RORA: variants seen among roughly 807,000 people sequenced by gnomAD.
RORA encodes nuclear receptor ROR-alpha.
In RORA, 7 loss-of-function variants were observed where a neutral mutation model predicts 69.5. The observed-to-expected ratio is 0.10, with a 90% CI of 0.06 to 0.19. The LOEUF is 0.19. Ranked by LOEUF, RORA falls within the 10% of genes least tolerant of loss-of-function variation. The pLI, the probability that RORA is intolerant of heterozygous loss-of-function variation, is 1.00. For synonymous variants in RORA, 261 were observed against 240.8 expected (o/e 1.08, Z -0.78); for missense variants, 457 against 663.0 (o/e 0.69, Z 3.41).
At chr15:60,627,914 C>T (rs533938840) in intron 2 of RORA, among the ~76,000 whole-genome samples, 4 of 152,128 alleles carry the variant, frequency 2.6e-5, no homozygotes, top group Admixed American at 6.5e-5. Context: ...TGTGTGTCTC[C>T]TCTCCTGGAG....
At chr15:61,044,374 CG>C (rs1347452943) in intron 1 of RORA, among the ~76,000 whole-genome samples, 2 of 152,116 alleles carry the variant, frequency 1.3e-5, no homozygotes, top group African/African-American at 4.8e-5. Flanking sequence ...TCTGCCGAGT[CG>C]CCCTGTGATG....
rs1188807914 is a variant in RORA, at chr15:61,006,412, A to G, written c.166+222641T>C. ...TATGATTATCTTCTGACTCGTTGGA[A>G]CTCAGAAGGTGTCAAGAAGAGGGAG... On this transcript the variant is annotated intron_variant, in intron 1 of 10. Transcript: ENST00000335670. Among the ~76,000 whole-genome samples the G allele has an allele frequency of 2.0e-5, 3 of 152,070 alleles. No individual in the cohort carries two copies. The East Asian group carries it at 5.8e-4, about 29-fold the overall frequency.
chr15:60,909,929 C>T lies in RORA; in HGVS notation c.167-231243G>A, dbSNP rs143130802. ...CTTAAAAGCAGCTAACCCTTTACCA[C>T]GGAGGTGATGCAGAAATCTACTCAT... On this transcript the variant is annotated intron_variant, in intron 1 of 10. Coordinates refer to ENST00000335670, the MANE Select transcript of RORA (RefSeq NM_134261.3). Among the ~76,000 whole-genome samples, 25 of 152,312 alleles carry T rather than the reference C, an allele frequency of 1.6e-4. 1 individual carries two copies. Among genetic ancestry groups the T allele is most frequent in the East Asian group, 1.3e-3 (7 of 5,188 alleles).
chr15:61,078,125 T>TA (rs2078480186), intron 1 of RORA, among the ~76,000 whole-genome samples: 1 of 152,216 alleles, frequency 6.6e-6, no homozygotes, highest in South Asian at 2.1e-4. Flanking sequence ...TATTAATACT[T>TA]ACTATGTGCC....
chr15:60,886,538 G>C (rs1233721556), intron 1 of RORA, among the ~76,000 whole-genome samples: 3 of 152,184 alleles, frequency 2.0e-5, no homozygotes, highest in African/African-American at 7.2e-5. Context: ...TCCTTATAGA[G>C]TCAGCCTGCC....
At chr15:60,897,333 C>G (rs1041093074) in intron 1 of RORA, among the ~76,000 whole-genome samples, 1 of 152,202 alleles carries the variant, frequency 6.6e-6, no homozygotes, top group African/African-American at 2.4e-5. Flanking sequence ...ATATAGAGAT[C>G]TTTGCCTGTG....
At chr15:60,508,989 G>T (rs1170728430) in intron 5 of RORA, among the ~76,000 whole-genome samples, 2 of 152,214 alleles carry the variant, frequency 1.3e-5, no homozygotes, top group Non-Finnish European at 2.9e-5. Flanking sequence ...TTGAAAGAGA[G>T]AATTGGACTT....
chr15:60,906,327 C>T (rs1363094224), intron 1 of RORA, among the ~76,000 whole-genome samples: 1 of 152,204 alleles, frequency 6.6e-6, no homozygotes, highest in Non-Finnish European at 1.5e-5. Context: ...AAATTAACTA[C>T]CAGGGGCTGA....
At chr15:60,903,501 A>C (rs1451952240) in intron 1 of RORA, among the ~76,000 whole-genome samples, 1 of 152,204 alleles carries the variant, frequency 6.6e-6, no homozygotes, top group Admixed American at 6.5e-5. Flanking sequence ...TCCAGTTTGC[A>C]TCAGGCCTCC....
intron 1 of RORA, among the ~76,000 whole-genome samples, chr15:61,116,803 A>C (rs148785211): frequency 6.6e-6 from 1 of 152,180 alleles, no homozygotes; most frequent in African/African-American, 2.4e-5. Context: ...CACATTTGTA[A>C]ATAGAAAAAA....
At chr15:60,577,933 T>C (rs1402346022) in intron 2 of RORA, among the ~76,000 whole-genome samples, 1 of 152,218 alleles carries the variant, frequency 6.6e-6, no homozygotes, top group East Asian at 1.9e-4. Context: ...ATTCAATCTG[T>C]TGTGTTATGC....
At chr15:60,703,289 C>A (rs905072582) in intron 1 of RORA, among the ~76,000 whole-genome samples, 2 of 152,206 alleles carry the variant, frequency 1.3e-5, no homozygotes, top group African/African-American at 4.8e-5. Context: ...TTACCCTCAA[C>A]GCCCATGGAA....
At chr15:61,019,706 T>C (rs1264853926) in intron 1 of RORA, among the ~76,000 whole-genome samples, 2 of 152,162 alleles carry the variant, frequency 1.3e-5, no homozygotes, top group African/African-American at 4.8e-5. Context: ...TCTGTACTTA[T>C]CCATGGGTAC....
At chr15:60,867,570 C>T (rs1011928335) in intron 1 of RORA, among the ~76,000 whole-genome samples, 5 of 152,160 alleles carry the variant, frequency 3.3e-5, no homozygotes, top group Non-Finnish European at 5.9e-5. Context: ...ATATATTTGA[C>T]CTACATCGCC....
chr15:60,733,460 G>A (rs2071455863), intron 1 of RORA, among the ~76,000 whole-genome samples: 2 of 152,158 alleles, frequency 1.3e-5, no homozygotes, highest in African/African-American at 2.4e-5. Context: ...CAGTGTTACT[G>A]TGAGATACCA....
At position 60,497,599 on chromosome 15, in the gene RORA, G is replaced by C. The variant is rs11071539; in HGVS notation, c.1428C>G (p.Thr476=). The C allele has an allele frequency of 6.2e-7, 1 of 1,612,400 alleles. No homozygotes were observed. The highest frequency in any genetic ancestry group is 8.5e-7 in the Non-Finnish European group (1 of 1,178,440). ...ILTKLICKVS[T]LRALCGRHTE... is the part of the protein sequence containing the mutation. Reference sequence around the variant, plus strand: ...TATGTCGTCCACATAAGGCTCTTAAGGTAGACACCTTGCATATTAACTGTA... The same window carrying C: ...TATGTCGTCCACATAAGGCTCTTAACGTAGACACCTTGCATATTAACTGTA... The change falls in exon 11 of 11, where the codon ACC becomes ACG. Residue 476 remains threonine (T), a synonymous_variant. Transcript: ENST00000335670.
intron 1 of RORA, among the ~76,000 whole-genome samples, chr15:60,908,498 C>T (rs1212525441): frequency 6.6e-6 from 1 of 152,020 alleles, no homozygotes; most frequent in Non-Finnish European, 1.5e-5. Flanking sequence ...AAAATGAGTA[C>T]AGGGGTAGGC....
At chr15:60,527,273 C>T (rs1425865973) in intron 3 of RORA, among the ~76,000 whole-genome samples, 1 of 152,236 alleles carries the variant, frequency 6.6e-6, no homozygotes, top group Non-Finnish European at 1.5e-5. Flanking sequence ...ATCAAATGTT[C>T]ACCCTCATCA....
intron 2 of RORA, among the ~76,000 whole-genome samples, chr15:60,610,899 T>G (rs1372283569): frequency 6.6e-6 from 1 of 152,216 alleles, no homozygotes; most frequent in African/African-American, 2.4e-5. Flanking sequence ...AAAATGATTC[T>G]GTTTTCATGC....
Sources: gnomAD v4.1 joint callset for allele counts (sites outside exome capture counted in the v4.1 genomes callset) on GRCh38, gnomAD v4.1.1 for gene constraint, MANE v1.5 for transcripts, NCBI Gene and HGNC (gene_info 2026-07-23, HGNC 2026-07-21) for gene names.